The following DNMBP variants were observed in gnomAD, a reference collection of about 807,000 sequenced individuals.
The protein encoded by DNMBP is dynamin binding protein, also known as dynamin-binding protein.
Under a neutral mutation model 150.0 loss-of-function variants are expected in DNMBP, and 87 were observed. The ratio of observed to expected loss-of-function variants is 0.58; its 90% CI spans 0.49 to 0.69. The LOEUF (loss-of-function observed/expected upper bound fraction) is 0.69, where lower values mean the gene tolerates loss of function less well. DNMBP is among the 30% of genes least tolerant of loss of function. The pLI, the probability that DNMBP is intolerant of heterozygous loss-of-function variation, is 0.00. For missense variants in DNMBP, 1,774 were observed against 1,949.0 expected, an observed-to-expected ratio of 0.91 and a Z score of 1.69; for synonymous variants, 711 against 750.4, an observed-to-expected ratio of 0.95 and a Z score of 0.86.
chr10:99,971,249 T>A (rs4919406), intron 2 of DNMBP, among the ~76,000 whole-genome samples: 138,654 of 150,636 alleles, frequency 0.92, 63,337 homozygotes, highest in East Asian at 0.99. Flanking sequence ...ATACAGTAGG[T>A]AAACACAAAA....
Position 99,955,405 on chromosome 10 carries a change from G to A in DNMBP, c.2069C>T (p.Pro690Leu). 5 of 1,614,166 alleles carry A rather than the reference G, an allele frequency of 3.1e-6. No individual in the cohort carries two copies. In the South Asian group the frequency reaches 3.3e-5, roughly 11 times the overall value. ...HMGRSLDQTS[P>L]CPLVLVRIEE... ...AATCCTCACCAGCACTAAGGGGCAT[G>A]GGGAGGTCTGGTCCAGACTCCTTCC... Residue 690 changes from proline to leucine, a missense_variant, in exon 4 of 17, where the codon CCA becomes CTA. Transcript: ENST00000324109.
In DNMBP at chr10:99,957,062, C is replaced by CGCTCTGGG; in HGVS notation, c.404_411dup (p.Ala138ProfsTer19). On this transcript the variant is annotated frameshift_variant, in exon 4 of 17. Coordinates refer to ENST00000324109, the MANE Select transcript of DNMBP (RefSeq NM_015221.4). LOFTEE classifies it high-confidence loss of function. ...GAATATTCCGGAATCTGAAACAGGG[C>CGCTCTGGG]GCTCTGGGAGTGCCACTGCCGGCTC... 1 of 1,614,186 alleles carries CGCTCTGGG rather than the reference C, an allele frequency of 6.2e-7. No individual in the cohort carries two copies. Among genetic ancestry groups the CGCTCTGGG allele is most frequent in the Non-Finnish European group, 8.5e-7 (1 of 1,180,028 alleles).
At chr10:99,995,994 T>TA (rs1171817294) in intron 1 of DNMBP, among the ~76,000 whole-genome samples, 3 of 152,270 alleles carry the variant, frequency 2.0e-5, no homozygotes, top group African/African-American at 4.8e-5. Flanking sequence ...TTATCTCCTG[T>TA]ATGTATTATT....
rs113269440 is a variant in DNMBP, at chr10:99,922,619, C to A, written c.2261-13473G>T. The stretch of plus-strand genomic sequence containing the variant: ...GCAGCCTCAACTTCCCGGGCTCAAG[C>A]AATCTTAACCACCTCAGCCTCCTGA... On this transcript the variant is annotated intron_variant, in intron 4 of 16. Coordinates refer to ENST00000324109, the MANE Select transcript of DNMBP (RefSeq NM_015221.4). Among the ~76,000 whole-genome samples, 471 of 145,124 alleles carry A rather than the reference C, an allele frequency of 3.2e-3. 5 individuals carry two copies. The highest frequency in any genetic ancestry group is 0.022 in the Middle Eastern group (6 of 276).
chr10:99,954,479 T>C (rs942922189), intron 4 of DNMBP, among the ~76,000 whole-genome samples: 7 of 152,014 alleles, frequency 4.6e-5, no homozygotes, highest in Non-Finnish European at 1.0e-4. Flanking sequence ...GTGCGGTGGC[T>C]CATGCCTGTA....
chr10:99,972,972 G>T (rs147892277), intron 1 of DNMBP, among the ~76,000 whole-genome samples: 2 of 152,126 alleles, frequency 1.3e-5, no homozygotes, highest in African/African-American at 4.8e-5. Context: ...AGTAGAGACA[G>T]GGTTTTGCCA....
chr10:99,951,072 T>C (rs2040416879), intron 4 of DNMBP, among the ~76,000 whole-genome samples: 2 of 152,214 alleles, frequency 1.3e-5, no homozygotes, highest in Admixed American at 1.3e-4. Flanking sequence ...CTTGGTGCCC[T>C]GTGTCCCAGC....
At chr10:99,942,041 C>T (rs1354209410) in intron 4 of DNMBP, among the ~76,000 whole-genome samples, 1 of 152,144 alleles carries the variant, frequency 6.6e-6, no homozygotes, top group Non-Finnish European at 1.5e-5. Context: ...TCTCTTCTTA[C>T]CCTAAATGAT....
At chr10:99,994,277 T>C (rs2040928464) in intron 1 of DNMBP, among the ~76,000 whole-genome samples, 1 of 152,190 alleles carries the variant, frequency 6.6e-6, no homozygotes, top group Non-Finnish European at 1.5e-5. Flanking sequence ...AGTAATTTAT[T>C]TCATAGGGCG....
rs750807372 is a variant in DNMBP, at chr10:99,877,161, T to G, written c.4724A>C (p.Glu1575Ala). 1 of 1,610,192 alleles carries G rather than the reference T, an allele frequency of 6.2e-7. No homozygotes were observed. Residue 1575 changes from glutamate to alanine, a missense_variant, in exon 17 of 17, where the codon GAG (glutamate) becomes GCG (alanine). Glu to Ala is a moderately radical substitution (Grantham distance 107, BLOSUM62 -1). Around this residue, in one of 2 missense-constraint regions of DNMBP, gnomAD observed 1,430 missense variants for 1,492.5 expected, o/e 0.96. Coordinates refer to ENST00000324109, the MANE Select transcript of DNMBP (RefSeq NM_015221.4). ...GCAGGCAACGTGGGCTCAGGTGTAC[T>G]CGGTTTTGCGGATATAATTGGAGGG... ...YVPSNYIRKT[E>A]YT
At chr10:99,878,990 C>A (rs2039316851) in intron 16 of DNMBP, among the ~76,000 whole-genome samples, 1 of 149,244 alleles carries the variant, frequency 6.7e-6, no homozygotes, top group Non-Finnish European at 1.5e-5. Flanking sequence ...GAAGCTGAGG[C>A]AGGAGAATCG....
intron 4 of DNMBP, among the ~76,000 whole-genome samples, chr10:99,915,108 A>AAAAAAT (rs10654940): frequency 0.18 from 17,896 of 98,722 alleles, 2,222 homozygotes; most frequent in Non-Finnish European, 0.25. Flanking sequence ...AAAAAAAAAA[A>AAAAAAT]ATATATATAT....
At chr10:99,955,044 C>CT (rs1385824713) in intron 4 of DNMBP, among the ~76,000 whole-genome samples, 170 bp downstream of exon 4, 1 of 137,850 alleles carries the variant, frequency 7.3e-6, no homozygotes, top group Non-Finnish European at 1.5e-5. Context: ...CAGAGCGAGA[C>CT]TGTCTCAAAA....
At chr10:99,964,684 A>G (rs2040601363) in intron 3 of DNMBP, among the ~76,000 whole-genome samples, 1 of 151,582 alleles carries the variant, frequency 6.6e-6, no homozygotes, top group Non-Finnish European at 1.5e-5. Context: ...CAGCTTGGCC[A>G]AAATGGTGAA....
chr10:99,901,869 G>T (rs529206404), intron 6 of DNMBP, among the ~76,000 whole-genome samples: 30 of 152,052 alleles, frequency 2.0e-4, no homozygotes, highest in African/African-American at 6.8e-4. Context: ...TCTCACTGTT[G>T]TGTCCCATGG....
chr10:99,994,879 G>A (rs2040934939), intron 1 of DNMBP, among the ~76,000 whole-genome samples: 1 of 151,954 alleles, frequency 6.6e-6, no homozygotes, highest in Non-Finnish European at 1.5e-5. Flanking sequence ...ATCTGCCTTT[G>A]TCCTATTTTC....
At chr10:99,903,437 A>G (rs575988937) in intron 6 of DNMBP, among the ~76,000 whole-genome samples, 1 of 152,110 alleles carries the variant, frequency 6.6e-6, no homozygotes, top group East Asian at 1.9e-4. Flanking sequence ...AGCTCAAGCA[A>G]TTCTCTGCCC....
chr10:100,002,215 G>T (rs1425144766), intron 1 of DNMBP, among the ~76,000 whole-genome samples: 1 of 152,136 alleles, frequency 6.6e-6, no homozygotes, highest in Admixed American at 6.5e-5. Flanking sequence ...TTTAGCAGGG[G>T]TTGGTGCTAA....
rs2039847688 is a variant in DNMBP at position 99,907,999 on chromosome 10, A to G, written c.2550T>C (p.Ala850=). Residue 850 remains alanine, a synonymous_variant, in exon 6 of 17, where the codon GCT becomes GCC. Transcript: ENST00000324109. ...AAACAACACAGGAGCTCATACCTAC[A>G]GCATCGCTGATTTCCAGAGCAGCCA... ...QLLAALEISD[A]VGPVFLGHRD... is the part of the protein sequence containing the mutation. The G allele has an allele frequency of 6.2e-7, 1 of 1,613,258 alleles. No individual in the cohort carries two copies. Among genetic ancestry groups the G allele is most frequent in the Admixed American group, 1.7e-5 (1 of 59,992 alleles).
Sources: gnomAD v4.1 joint callset for allele counts (sites outside exome capture counted in the v4.1 genomes callset) on GRCh38, gnomAD v4.1.1 for gene constraint, gnomAD v4.1.1 regional missense constraint, MANE v1.5 for transcripts, NCBI Gene and HGNC (gene_info 2026-07-23, HGNC 2026-07-21) for gene names.